DKK2: variants seen among roughly 807,000 people sequenced by gnomAD.
DKK2 encodes the protein dickkopf-related protein 2.
DKK2 carries 11 observed loss-of-function variants against 28.1 expected under a neutral mutation model. The ratio of observed to expected loss-of-function variants is 0.39; its 90% CI spans 0.25 to 0.65. The LOEUF is 0.65. Ranked by LOEUF, DKK2 falls within the 30% of genes least tolerant of loss-of-function variation. DKK2 has a pLI of 0.47. For synonymous variants in DKK2, 135 were observed against 126.5 expected, an observed-to-expected ratio of 1.07 and a Z score of -0.45; for missense variants, 326 against 335.5, an observed-to-expected ratio of 0.97 and a Z score of 0.22.
intron 1 of DKK2, among the ~76,000 whole-genome samples, chr4:106,950,185 C>A (rs1374080966): frequency 6.6e-6 from 1 of 152,086 alleles, no homozygotes; most frequent in Admixed American, 6.6e-5. Context: ...TACTTTATTT[C>A]TTTTTAACAA....
intron 1 of DKK2, among the ~76,000 whole-genome samples, chr4:107,023,276 G>A (rs538294191): frequency 6.6e-6 from 1 of 152,142 alleles, no homozygotes; most frequent in East Asian, 1.9e-4. Flanking sequence ...ATAAAATTAA[G>A]AGTTTTCATT....
At chr4:106,991,386 T>G (rs1441450801) in intron 1 of DKK2, among the ~76,000 whole-genome samples, 1 of 152,148 alleles carries the variant, frequency 6.6e-6, no homozygotes, top group East Asian at 1.9e-4. Context: ...TTGCCTGCCA[T>G]GGCCCTCTTC....
At chr4:106,925,053 A>G (rs1724406185) in intron 2 of DKK2, among the ~76,000 whole-genome samples, 1 of 152,208 alleles carries the variant, frequency 6.6e-6, no homozygotes, top group Admixed American at 6.5e-5. Flanking sequence ...CTGGATCCAG[A>G]TTCCTTTATT....
At chr4:106,952,410 T>C (rs1039882419) in intron 1 of DKK2, among the ~76,000 whole-genome samples, 2 of 152,152 alleles carry the variant, frequency 1.3e-5, no homozygotes, top group Admixed American at 1.3e-4. Flanking sequence ...CCTAGCATGA[T>C]AGTAGGTATA....
chr4:106,941,103 T>C (rs570014493), intron 1 of DKK2, among the ~76,000 whole-genome samples: 1 of 151,670 alleles, frequency 6.6e-6, no homozygotes, highest in Non-Finnish European at 1.5e-5. Context: ...CAACTTAAAG[T>C]ATAATAAAAA....
At chr4:107,034,700 A>G (rs892085909) in intron 1 of DKK2, among the ~76,000 whole-genome samples, 1 of 152,140 alleles carries the variant, frequency 6.6e-6, no homozygotes, top group Non-Finnish European at 1.5e-5. Flanking sequence ...ATGCGCGTCT[A>G]CTGGAGTTGT....
At chr4:107,032,805 A>G (rs1046570659) in intron 1 of DKK2, among the ~76,000 whole-genome samples, 1 of 152,170 alleles carries the variant, frequency 6.6e-6, no homozygotes, top group Non-Finnish European at 1.5e-5. Context: ...ATTAATTCCA[A>G]TATTTTCAAT....
chr4:107,007,839 T>C (rs1208597975), intron 1 of DKK2, among the ~76,000 whole-genome samples: 1 of 152,148 alleles, frequency 6.6e-6, no homozygotes, highest in African/African-American at 2.4e-5. Context: ...TAAGTGTATA[T>C]ACATAAAAAC....
At chr4:106,969,723 T>C (rs1223111151) in intron 1 of DKK2, among the ~76,000 whole-genome samples, 1 of 152,056 alleles carries the variant, frequency 6.6e-6, no homozygotes, top group Non-Finnish European at 1.5e-5. Context: ...ACCAAAAAAC[T>C]CTTTGGAATT....
At chr4:107,005,340 C>CAAAAAAAAA (rs35333301) in intron 1 of DKK2, among the ~76,000 whole-genome samples, 1 of 72,466 alleles carries the variant, frequency 1.4e-5, no homozygotes, top group African/African-American at 5.3e-5. Flanking sequence ...GACTTGGTCT[C>CAAAAAAAAA]AAAAAAAAAA....
At chr4:106,939,529 C>T (rs1379439606) in intron 1 of DKK2, among the ~76,000 whole-genome samples, 10 of 152,152 alleles carry the variant, frequency 6.6e-5, no homozygotes, top group Admixed American at 5.9e-4. Flanking sequence ...AATGGCCATA[C>T]GGCCCAAGGT....
chr4:106,972,302 G>A (rs993191257), intron 1 of DKK2, among the ~76,000 whole-genome samples: 2 of 151,352 alleles, frequency 1.3e-5, no homozygotes, highest in Admixed American at 6.6e-5. Flanking sequence ...CAAGTATCTC[G>A]CTTCTTCATT....
rs960342564 is a variant in DKK2 at position 106,934,836 on chromosome 4, T to C, written c.223-8887A>G. Among the ~76,000 whole-genome samples, 9 of 152,284 alleles carry C rather than the reference T, an allele frequency of 5.9e-5. 1 individual carries two copies. The highest frequency in any genetic ancestry group is 5.9e-4 in the Admixed American group (9 of 15,298). ...ATATTCATTCTATGGTGAAATGACT[T>C]CTAATTTCCATTTTAAAAGAGATAC... On this transcript the variant is annotated intron_variant, in intron 1 of 3. Coordinates refer to ENST00000285311, the MANE Select transcript of DKK2 (RefSeq NM_014421.3).
intron 1 of DKK2, among the ~76,000 whole-genome samples, chr4:107,008,398 C>A (rs755917510): frequency 6.6e-6 from 1 of 151,750 alleles, no homozygotes; most frequent in Non-Finnish European, 1.5e-5. Context: ...AAATATGATG[C>A]GCTATTGGAA....
chr4:106,923,631 A>C lies in DKK2; in HGVS notation c.*323T>G, dbSNP rs1363593999. ...CTGAAGGAAACCTCTCCTCCAGCAC[A>C]ACCTAAACTCTTGGAAAGTCACATG... On this transcript the variant is annotated 3_prime_UTR_variant, in exon 4 of 4. Coordinates refer to ENST00000285311, the MANE Select transcript of DKK2 (RefSeq NM_014421.3). 6 of 238,904 alleles carry C rather than the reference A, an allele frequency of 2.5e-5. No homozygotes were observed. The highest frequency in any genetic ancestry group is 5.0e-5 in the Non-Finnish European group (6 of 120,968). 14.8% of individuals were successfully genotyped at this position (238,904 alleles called of 1,614,324 possible).
At chr4:106,995,708 G>A (rs1043540586) in intron 1 of DKK2, among the ~76,000 whole-genome samples, 3 of 152,180 alleles carry the variant, frequency 2.0e-5, no homozygotes, top group Admixed American at 6.5e-5. Context: ...CGCCTCCTGG[G>A]TTCAAGCGAT....
chr4:107,030,142 T>G (rs1271882979), intron 1 of DKK2, among the ~76,000 whole-genome samples: 1 of 152,074 alleles, frequency 6.6e-6, no homozygotes, highest in Non-Finnish European at 1.5e-5. Flanking sequence ...TCTTTCTGCT[T>G]TAAAGTTTTC....
intron 1 of DKK2, among the ~76,000 whole-genome samples, chr4:106,958,762 C>T (rs937820001): frequency 2.0e-5 from 3 of 148,264 alleles, no homozygotes; most frequent in Non-Finnish European, 4.4e-5. Context: ...GCCTGAACCC[C>T]GAAGACAGAG....
chr4:106,977,780 T>A (rs566951959), intron 1 of DKK2, among the ~76,000 whole-genome samples: 2 of 152,188 alleles, frequency 1.3e-5, no homozygotes, highest in African/African-American at 2.4e-5. Flanking sequence ...TGTTCCCTTG[T>A]TGGGAGGAAT....
Sources: gnomAD v4.1 joint callset for allele counts (sites outside exome capture counted in the v4.1 genomes callset) on GRCh38, gnomAD v4.1.1 for gene constraint, MANE v1.5 for transcripts, NCBI Gene and HGNC (gene_info 2026-07-23, HGNC 2026-07-21) for gene names.